The following CSMD1 variants were observed in gnomAD, a reference collection of about 807,000 sequenced individuals.
The protein encoded by CSMD1 is CUB and sushi domain-containing protein 1.
A neutral mutation model predicts 417.5 loss-of-function variants in CSMD1; 213 were observed. That is an observed-to-expected ratio of 0.51 (90% confidence interval 0.46 to 0.57). CSMD1 has a LOEUF of 0.57. Among genes scored for constraint, CSMD1 ranks in the 20% least tolerant of loss-of-function variants. The pLI is 0.00. For missense variants in CSMD1, 6,923 were observed against 4,529.7 expected, an observed-to-expected ratio of 1.53 and a Z score of -15.17; for synonymous variants, 2,862 against 1,736.8, an observed-to-expected ratio of 1.65 and a Z score of -16.11.
chr8:4,967,036 C>T (rs192602579), intron 1 of CSMD1, among the ~76,000 whole-genome samples: 6 of 152,198 alleles, frequency 3.9e-5, no homozygotes, highest in South Asian at 2.1e-4. Context: ...GACCAGACAT[C>T]GCAGTGTTCT....
chr8:3,928,754 C>G (rs1056378753), intron 5 of CSMD1, among the ~76,000 whole-genome samples: 11 of 149,832 alleles, frequency 7.3e-5, no homozygotes, highest in Non-Finnish European at 1.5e-4. Context: ...ATTCTGAAAT[C>G]AAAGGTGGTC....
chr8:3,877,993 G>A (rs10109362), intron 5 of CSMD1, among the ~76,000 whole-genome samples: 79,317 of 151,584 alleles, frequency 0.52, 23,251 homozygotes, highest in Admixed American at 0.66. Context: ...TAAACTGAAT[G>A]TAAATGATAA....
At chr8:4,984,987 C>T (rs1320907930) in intron 1 of CSMD1, among the ~76,000 whole-genome samples, 2 of 152,160 alleles carry the variant, frequency 1.3e-5, no homozygotes, top group East Asian at 1.9e-4. Context: ...GAGATTCATC[C>T]TCTTTGTTAA....
chr8:4,317,100 G>C (rs907384229), intron 3 of CSMD1, among the ~76,000 whole-genome samples: 6 of 152,078 alleles, frequency 3.9e-5, no homozygotes, highest in African/African-American at 1.2e-4. Flanking sequence ...ACAGGCAAGA[G>C]GTTTCCAACT....
chr8:4,334,287 A>C (rs943868107), intron 3 of CSMD1, among the ~76,000 whole-genome samples: 3 of 152,140 alleles, frequency 2.0e-5, no homozygotes, highest in African/African-American at 7.2e-5. Context: ...GTGTTTGGTC[A>C]AACACTATTC....
intron 1 of CSMD1, among the ~76,000 whole-genome samples, chr8:4,932,081 G>T (rs950932600): frequency 2.0e-5 from 3 of 152,132 alleles, no homozygotes; most frequent in Non-Finnish European, 4.4e-5. Flanking sequence ...TAGCATGAAT[G>T]CATTTATTAA....
intron 41 of CSMD1, among the ~76,000 whole-genome samples, chr8:3,131,155 A>G (rs1469749783): frequency 6.6e-6 from 1 of 152,178 alleles, no homozygotes; most frequent in East Asian, 1.9e-4. Context: ...TATTCCTACA[A>G]AAGTGCGATA....
At chr8:4,340,499 C>G (rs1800412913) in intron 3 of CSMD1, among the ~76,000 whole-genome samples, 1 of 152,150 alleles carries the variant, frequency 6.6e-6, no homozygotes, top group Admixed American at 6.5e-5. Context: ...GGTCGAGTCC[C>G]CAATGTCATG....
At chr8:3,835,534 C>T (rs1255179779) in intron 5 of CSMD1, among the ~76,000 whole-genome samples, 4 of 151,906 alleles carry the variant, frequency 2.6e-5, no homozygotes, top group African/African-American at 9.7e-5. Context: ...CACATGGACA[C>T]AGGAAAGGGA....
intron 5 of CSMD1, among the ~76,000 whole-genome samples, chr8:3,943,074 C>G (rs1349760509): frequency 6.6e-6 from 1 of 152,042 alleles, no homozygotes; most frequent in African/African-American, 2.4e-5. Context: ...TAAAATCTCT[C>G]TATTACCCCA....
chr8:4,240,216 G>A (rs1802309093), intron 3 of CSMD1, among the ~76,000 whole-genome samples: 1 of 152,232 alleles, frequency 6.6e-6, no homozygotes, highest in Admixed American at 6.5e-5. Context: ...ACAACCGGCT[G>A]CAGAGCGTAG....
At chr8:4,211,672 C>T (rs1396529725) in intron 3 of CSMD1, among the ~76,000 whole-genome samples, 1 of 152,182 alleles carries the variant, frequency 6.6e-6, no homozygotes, top group Admixed American at 6.5e-5. Flanking sequence ...GTATCCTTAG[C>T]TGAAATGCAG....
chr8:3,694,358 G>A (rs898090287), intron 7 of CSMD1, among the ~76,000 whole-genome samples: 1 of 152,108 alleles, frequency 6.6e-6, no homozygotes, highest in African/African-American at 2.4e-5. Flanking sequence ...CTCAGGCTGA[G>A]GATTTTCCCA....
intron 30 of CSMD1, among the ~76,000 whole-genome samples, chr8:3,206,387 G>GTGTGTGTT (rs755249119): frequency 1.5e-5 from 2 of 132,510 alleles, no homozygotes; most frequent in Non-Finnish European, 3.2e-5. Flanking sequence ...CTGTGTGTGT[G>GTGTGTGTT]TATGTGTGTG....
At chr8:3,731,127 T>C (rs1472790674) in intron 6 of CSMD1, among the ~76,000 whole-genome samples, 18 of 152,206 alleles carry the variant, frequency 1.2e-4, no homozygotes, top group Admixed American at 5.2e-4. Flanking sequence ...AACATAAATC[T>C]ATATATCCAT....
chr8:3,965,700 C>G (rs958071220), intron 5 of CSMD1, among the ~76,000 whole-genome samples: 10 of 152,150 alleles, frequency 6.6e-5, no homozygotes, highest in Non-Finnish European at 2.9e-5. Flanking sequence ...TCACTACAAC[C>G]TCTGCCTCCC....
At chr8:4,054,863 G>A (rs773248483) in intron 3 of CSMD1, among the ~76,000 whole-genome samples, 2 of 152,126 alleles carry the variant, frequency 1.3e-5, no homozygotes, top group Non-Finnish European at 2.9e-5. Context: ...AGAATGTATT[G>A]AAATGTTCTG....
chr8:4,894,783 TTTTAA>T (rs1017959266), intron 1 of CSMD1, among the ~76,000 whole-genome samples: 1 of 151,998 alleles, frequency 6.6e-6, no homozygotes, highest in African/African-American at 2.4e-5. Context: ...ATCTTCTGAC[TTTTAA>T]TTTTATTTCC....
intron 5 of CSMD1, among the ~76,000 whole-genome samples, chr8:3,856,204 T>G (rs191690797): frequency 6.6e-6 from 1 of 152,044 alleles, no homozygotes; most frequent in Non-Finnish European, 1.5e-5. Flanking sequence ...GTTCTCATGA[T>G]AGAGTTCTCA....
Sources: gnomAD v4.1 joint callset for allele counts (sites outside exome capture counted in the v4.1 genomes callset) on GRCh38, gnomAD v4.1.1 for gene constraint, MANE v1.5 for transcripts, NCBI Gene and HGNC (gene_info 2026-07-23, HGNC 2026-07-21) for gene names.